COL23A1: variants seen among roughly 807,000 people sequenced by gnomAD.
COL23A1 encodes the protein collagen alpha-1(XXIII) chain.
In COL23A1, 97 loss-of-function variants were observed where a neutral mutation model predicts 99.3. The ratio of observed to expected loss-of-function variants is 0.98; its 90% confidence interval spans 0.83 to 1.16. The LOEUF (loss-of-function observed/expected upper bound fraction) is 1.16. Among genes scored for constraint, COL23A1 ranks in the 50% most tolerant of loss-of-function variants. The pLI is 0.00. For synonymous variants in COL23A1, 320 were observed against 308.2 expected (o/e 1.04, Z -0.40); for missense variants, 762 against 757.4 (o/e 1.01, Z -0.07).
chr5:178,240,989 C>G (rs1764365351), intron 27 of COL23A1, among the ~76,000 whole-genome samples: 1 of 152,188 alleles, frequency 6.6e-6, no homozygotes. Flanking sequence ...ACCTGTCGTC[C>G]CAGCACTCTG....
At chr5:178,488,659 C>T (rs1757761017) in intron 2 of COL23A1, among the ~76,000 whole-genome samples, 1 of 149,592 alleles carries the variant, frequency 6.7e-6, no homozygotes, top group African/African-American at 2.5e-5. Flanking sequence ...GTTTGAAGCA[C>T]ACATATATGC....
At chr5:178,579,504 A>G (rs1763553329) in intron 1 of COL23A1, among the ~76,000 whole-genome samples, 1 of 152,042 alleles carries the variant, frequency 6.6e-6, no homozygotes, top group African/African-American at 2.4e-5. Context: ...CCCAGGATAG[A>G]GTGTGGTGGC....
At chr5:178,246,899 T>G (rs1395924718) in intron 22 of COL23A1, among the ~76,000 whole-genome samples, 2 of 152,188 alleles carry the variant, frequency 1.3e-5, no homozygotes, top group Non-Finnish European at 2.9e-5. Context: ...CTGGTGGGGC[T>G]GCAGGCTCGG....
At position 178,382,243 on chromosome 5, in the gene COL23A1, G is replaced by A. The variant is rs549289377; in HGVS notation, c.362-75324C>T. ...CAGAGTCCCAGCTGCAGCTGCTGCG[G>A]CTGATCATCACCCACATTGCCTGGA... On this transcript the variant is annotated intron_variant, in intron 2 of 28. Transcript: ENST00000390654. 2.0e-5 allele frequency among the ~76,000 whole-genome samples: 3 copies of A among 152,292 alleles called. No individual in the cohort carries two copies. The East Asian group carries it at 5.8e-4, about 29-fold the overall frequency.
At chr5:178,440,141 A>T (rs1466130031) in intron 2 of COL23A1, among the ~76,000 whole-genome samples, 1 of 152,190 alleles carries the variant, frequency 6.6e-6, no homozygotes, top group Admixed American at 6.5e-5. Flanking sequence ...CACTTACAAT[A>T]GGTGAATTTT....
chr5:178,560,696 C>T lies in COL23A1; in HGVS notation c.347G>A (p.Cys116Tyr). Residue 116 changes from cysteine (C) to tyrosine (Y), a missense_variant, in exon 2 of 29, where the codon TGT becomes TAT. Coordinates refer to ENST00000390654, the MANE Select transcript of COL23A1 (RefSeq NM_173465.4). ...CCTTCACTTACCTGGGGGGCAGACA[C>T]ATTCGGATGGAGCTTCCCGAGCAGT... is the stretch of plus-strand genomic sequence containing the variant. ...IRTAREAPSE[C>Y]VCPPGPPGRR... The T allele has an allele frequency of 6.2e-7, 1 of 1,612,512 alleles. No homozygotes were observed. The highest frequency in any genetic ancestry group is 8.5e-7 in the Non-Finnish European group (1 of 1,179,634).
rs556949267 is a variant in COL23A1, at chr5:178,531,492, G to A, written c.361+29190C>T. 7.2e-4 allele frequency among the ~76,000 whole-genome samples: 110 copies of A among 152,286 alleles called. 3 individuals carry two copies. The South Asian group carries it at 0.015, about 21-fold the overall frequency. On this transcript the variant is annotated intron_variant, in intron 2 of 28. Coordinates refer to ENST00000390654, the MANE Select transcript of COL23A1 (RefSeq NM_173465.4). ...GGATGGAGAGATGGAAAGATAAAAA[G>A]AGCCTGGGATCCTGAAACACCCCTG...
chr5:178,573,205 A>G (rs983736289), intron 1 of COL23A1, among the ~76,000 whole-genome samples: 3 of 152,178 alleles, frequency 2.0e-5, no homozygotes, highest in Non-Finnish European at 2.9e-5. Context: ...ACTGTATGTC[A>G]ATTATACTTC....
rs1766069271 is a variant in COL23A1 at position 178,428,422 on chromosome 5, A to G, written c.362-121503T>C. On this transcript the variant is annotated intron_variant, in intron 2 of 28. Transcript: ENST00000390654. The surrounding 1 kb of genome is among the most constrained non-coding windows in gnomAD (Gnocchi z 5.0). Reference sequence around the variant, plus strand: ...ACCAAGATAACAGGGAACCAGGGGCAGCTTCCAGGGCCCCTTCCTCATTCT... The same window carrying G: ...ACCAAGATAACAGGGAACCAGGGGCGGCTTCCAGGGCCCCTTCCTCATTCT... Among the ~76,000 whole-genome samples, 1 of 152,220 alleles carries G rather than the reference A, an allele frequency of 6.6e-6. No homozygotes were observed. Among genetic ancestry groups the G allele is most frequent in the Non-Finnish European group, 1.5e-5 (1 of 68,032 alleles).
At chr5:178,530,300 A>C (rs948001521) in intron 2 of COL23A1, among the ~76,000 whole-genome samples, 1 of 152,146 alleles carries the variant, frequency 6.6e-6, no homozygotes, top group African/African-American at 2.4e-5. Context: ...GTCTCTGCTA[A>C]AAATAAAAAA....
rs142458510 is a variant in COL23A1 at position 178,286,841 on chromosome 5, G to A, written c.441+1483C>T. Among the ~76,000 whole-genome samples the A allele has an allele frequency of 6.2e-4, 94 of 152,266 alleles. 1 individual carries two copies. The East Asian group carries it at 0.015, about 24-fold the overall frequency. ...GCTCGAGGCTGGTGGGGAACGGACCGGACCGCTGGGTCACTTTGCTCAGAG... is the reference window on the plus strand; with the variant it reads ...GCTCGAGGCTGGTGGGGAACGGACCAGACCGCTGGGTCACTTTGCTCAGAG... On this transcript the variant is annotated intron_variant, in intron 5 of 28. Transcript: ENST00000390654.
intron 2 of COL23A1, among the ~76,000 whole-genome samples, chr5:178,367,691 A>G (rs1482548947): frequency 2.0e-5 from 3 of 152,238 alleles, no homozygotes; most frequent in Admixed American, 6.5e-5. Context: ...CTGCCATCGT[A>G]CAATGTGGCT....
chr5:178,575,415 T>C (rs1435841930), intron 1 of COL23A1, among the ~76,000 whole-genome samples: 1 of 152,122 alleles, frequency 6.6e-6, no homozygotes, highest in East Asian at 1.9e-4. Flanking sequence ...AGCCACACAT[T>C]CAGCTGCTTA....
chr5:178,437,224 T>C (rs1766608654), intron 2 of COL23A1, among the ~76,000 whole-genome samples: 1 of 152,148 alleles, frequency 6.6e-6, no homozygotes, highest in Non-Finnish European at 1.5e-5. Context: ...AAACATACAA[T>C]ACACAGCCCA....
At chr5:178,457,117 C>G (rs1314563126) in intron 2 of COL23A1, among the ~76,000 whole-genome samples, 1 of 152,226 alleles carries the variant, frequency 6.6e-6, no homozygotes, top group Non-Finnish European at 1.5e-5. Flanking sequence ...TTAAACACAT[C>G]TACTCTCTTT....
chr5:178,464,553 G>A (rs1472026454), intron 2 of COL23A1, among the ~76,000 whole-genome samples: 2 of 152,176 alleles, frequency 1.3e-5, no homozygotes, highest in African/African-American at 4.8e-5. Context: ...CAAGCACGTT[G>A]CTATTCGTAA....
intron 2 of COL23A1, among the ~76,000 whole-genome samples, chr5:178,539,803 A>G (rs761240446): frequency 4.6e-5 from 7 of 152,256 alleles, no homozygotes; most frequent in Middle Eastern, 3.4e-3. Flanking sequence ...TTATACCAAA[A>G]CTGGACCACA....
At chr5:178,379,767 G>A (rs1763277001) in intron 2 of COL23A1, among the ~76,000 whole-genome samples, 1 of 151,960 alleles carries the variant, frequency 6.6e-6, no homozygotes, top group Admixed American at 6.6e-5. Flanking sequence ...TGTAATCCCA[G>A]CTACTAGGGA....
chr5:178,250,049 A>G lies in COL23A1; in HGVS notation c.1059+12T>C. On this transcript the variant is annotated intron_variant, in intron 18 of 28. Coordinates refer to ENST00000390654, the MANE Select transcript of COL23A1 (RefSeq NM_173465.4). ...GCACTGGCATCACCAAGGAAATGAA[A>G]GGCCCAGAGACCTTCTCTCCATCGA... The G allele has an allele frequency of 6.2e-7, 1 of 1,614,110 alleles. No individual in the cohort carries two copies. The highest frequency in any genetic ancestry group is 8.5e-7 in the Non-Finnish European group (1 of 1,179,966).
Sources: gnomAD v4.1 joint callset for allele counts (sites outside exome capture counted in the v4.1 genomes callset) on GRCh38, gnomAD v4.1.1 for gene constraint, Gnocchi (gnomAD v3.1) non-coding constraint, MANE v1.5 for transcripts, NCBI Gene and HGNC (gene_info 2026-07-23, HGNC 2026-07-21) for gene names.